Variants in LARP1B observed in about 807,000 individuals in gnomAD.
LARP1B encodes the protein La ribonucleoprotein 1B.
Under a neutral mutation model 114.2 loss-of-function variants are expected in LARP1B, and 76 were observed. The ratio of observed to expected loss-of-function variants is 0.67; its 90% CI spans 0.55 to 0.81. The LOEUF is 0.81. Among genes scored for constraint, LARP1B ranks in the 30% least tolerant of loss-of-function variants. The pLI, the probability that LARP1B is intolerant of heterozygous loss-of-function variation, is 0.00. For missense variants in LARP1B, 1,014 were observed against 1,075.8 expected (o/e 0.94, Z 0.80); for synonymous variants, 345 against 348.0 (o/e 0.99, Z 0.10).
chr4:128,114,063 T>TTTA (rs1785006644), intron 9 of LARP1B, among the ~76,000 whole-genome samples: 2 of 152,196 alleles, frequency 1.3e-5, no homozygotes, highest in African/African-American at 4.8e-5. Flanking sequence ...CTACACTGCA[T>TTTA]TTATTGCAGT....
At chr4:128,170,251 C>T (rs924179765) in intron 12 of LARP1B, among the ~76,000 whole-genome samples, 2 of 151,960 alleles carry the variant, frequency 1.3e-5, no homozygotes, top group African/African-American at 4.8e-5. Context: ...AATTTTATCA[C>T]CCACAATATA....
At chr4:128,131,107 T>A (rs1348465359) in intron 11 of LARP1B, among the ~76,000 whole-genome samples, 4 of 152,184 alleles carry the variant, frequency 2.6e-5, no homozygotes, top group African/African-American at 9.7e-5. Flanking sequence ...ACGATACATG[T>A]CATTGTACAC....
At chr4:128,061,056 G>A (rs1216445680), upstream of LARP1B, among the ~76,000 whole-genome samples, 1 of 152,008 alleles carries the variant, frequency 6.6e-6, no homozygotes, top group Non-Finnish European at 1.5e-5. Context: ...TGCGCGCTCC[G>A]CCCCTGAGCC....
intron 15 of LARP1B, among the ~76,000 whole-genome samples, chr4:128,182,219 T>A (rs35239105): frequency 0.58 from 86,985 of 149,046 alleles, 26,596 homozygotes; most frequent in Middle Eastern, 0.79. Context: ...ACTCAAGTGA[T>A]CCTCCCACTT....
Position 128,171,276 on chromosome 4 carries a change from A to G in LARP1B, c.1649-5596A>G, listed in dbSNP as rs536492593. Among the ~76,000 whole-genome samples the G allele has an allele frequency of 6.6e-5, 10 of 152,002 alleles. No homozygotes were observed. In the South Asian group the frequency reaches 2.1e-3, roughly 32 times the overall value. ...CCCGAGTAGGTCGGACTACAGGTGC[A>G]CGCCACAAAGCCCAACTAATTTTTT... On this transcript the variant is annotated intron_variant, in intron 12 of 19. Coordinates refer to ENST00000326639, the MANE Select transcript of LARP1B (RefSeq NM_018078.4).
intron 11 of LARP1B, among the ~76,000 whole-genome samples, chr4:128,137,493 C>T (rs138233163): frequency 2.4e-4 from 37 of 152,140 alleles, no homozygotes; most frequent in Middle Eastern, 3.4e-3. Context: ...GCTTTATGTG[C>T]ATTTTTTATA....
At chr4:128,112,084 CAATT>C (rs779156522) in intron 9 of LARP1B, among the ~76,000 whole-genome samples, 5 of 151,958 alleles carry the variant, frequency 3.3e-5, no homozygotes, top group South Asian at 4.1e-4. Context: ...TATAACTAGA[CAATT>C]AATGTTCATC....
chr4:128,139,103 C>T (rs540387377), intron 11 of LARP1B, among the ~76,000 whole-genome samples: 5 of 151,390 alleles, frequency 3.3e-5, no homozygotes, highest in East Asian at 1.9e-4. Context: ...TTCACATTAA[C>T]GGATTGAAGA....
At chr4:128,187,745 C>T (rs1750838587) in intron 15 of LARP1B, among the ~76,000 whole-genome samples, 1 of 152,180 alleles carries the variant, frequency 6.6e-6, no homozygotes, top group Non-Finnish European at 1.5e-5. Context: ...ACCCAAATCT[C>T]ATGTTCAATT....
intron 12 of LARP1B, among the ~76,000 whole-genome samples, chr4:128,165,487 A>G (rs940441566): frequency 6.6e-6 from 1 of 152,244 alleles, no homozygotes; most frequent in South Asian, 2.1e-4. Flanking sequence ...TGCTAGTTAT[A>G]TGTCATAACA....
intron 11 of LARP1B, chr4:128,122,504 T>G (rs1788346957): frequency 2.6e-6 from 4 of 1,529,264 alleles, no homozygotes; most frequent in Non-Finnish European, 3.5e-6. Context: ...AGAACGCCCT[T>G]TCTCGTATGA....
At chr4:128,188,580 A>G (rs1318250241) in intron 15 of LARP1B, among the ~76,000 whole-genome samples, 1 of 151,958 alleles carries the variant, frequency 6.6e-6, no homozygotes, top group African/African-American at 2.4e-5. Flanking sequence ...TAGTTCTTTT[A>G]AGTACATCGT....
chr4:128,111,211 T>C (rs1783996547), intron 9 of LARP1B, among the ~76,000 whole-genome samples: 1 of 151,914 alleles, frequency 6.6e-6, no homozygotes, highest in African/African-American at 2.4e-5. Context: ...CACGCCCGGC[T>C]ATTTTTTTGT....
At chr4:128,108,577 C>T in intron 9 of LARP1B, 1 of 985,546 alleles carries the variant, frequency 1.0e-6, no homozygotes, top group Non-Finnish European at 1.2e-6. Context: ...CTTTGTCAGC[C>T]TTCTGCTTCT....
At chr4:128,198,146 A>G (rs1257061006) in intron 15 of LARP1B, among the ~76,000 whole-genome samples, 1 of 152,138 alleles carries the variant, frequency 6.6e-6, no homozygotes, top group Non-Finnish European at 1.5e-5. Flanking sequence ...CGGCCTCCCA[A>G]AGTGCTGGGA....
chr4:128,185,534 G>GTTTT (rs56275913), intron 15 of LARP1B, among the ~76,000 whole-genome samples: 1 of 146,338 alleles, frequency 6.8e-6, no homozygotes, highest in Non-Finnish European at 1.5e-5. Flanking sequence ...TATTTGTATT[G>GTTTT]TTTTTTTTTT....
intron 15 of LARP1B, among the ~76,000 whole-genome samples, chr4:128,183,000 A>G (rs993855089): frequency 6.6e-6 from 1 of 152,188 alleles, no homozygotes; most frequent in Non-Finnish European, 1.5e-5. Context: ...GTGCAGAAGA[A>G]AAGTTGGAAG....
chr4:128,090,969 GA>G, intron 5 of LARP1B, 31 bp from the exon 6 acceptor site: 1 of 1,470,160 alleles, frequency 6.8e-7, no homozygotes, highest in Non-Finnish European at 9.3e-7. Flanking sequence ...TTGGCAAATC[GA>G]AGTATATAAA....
At chr4:128,084,083 C>T (rs571131594) in intron 5 of LARP1B, among the ~76,000 whole-genome samples, 2 of 151,966 alleles carry the variant, frequency 1.3e-5, no homozygotes, top group East Asian at 2.0e-4. Context: ...CGGGAAGAGG[C>T]GCTCCTCACT....
Sources: gnomAD v4.1 joint callset for allele counts (sites outside exome capture counted in the v4.1 genomes callset) on GRCh38, gnomAD v4.1.1 for gene constraint, MANE v1.5 for transcripts, NCBI Gene and HGNC (gene_info 2026-07-23, HGNC 2026-07-21) for gene names.